CERS5: variants seen among roughly 807,000 people sequenced by gnomAD.
The protein encoded by CERS5 is LAG1 homolog, ceramide synthase 5.
CERS5 carries 37 observed loss-of-function variants against 58.9 expected under a neutral mutation model. The observed-to-expected ratio is 0.63, with a 90% CI of 0.48 to 0.83. CERS5 has a LOEUF of 0.83. CERS5 is among the 40% of genes least tolerant of loss of function. The pLI is 0.00. For synonymous variants in CERS5, 147 were observed against 177.8 expected (o/e 0.83, Z 1.38); for missense variants, 398 against 489.3 (o/e 0.81, Z 1.76).
intron 6 of CERS5, among the ~76,000 whole-genome samples, chr12:50,137,101 A>G (rs1951733449): frequency 6.6e-6 from 1 of 152,148 alleles, no homozygotes; most frequent in Non-Finnish European, 1.5e-5. Context: ...TTAGTGACAG[A>G]TTAGGGTTAG....
At chr12:50,143,250 C>T (rs1363916920) in intron 2 of CERS5, 46 bp from the exon 3 acceptor site, 6 of 1,605,368 alleles carry the variant, frequency 3.7e-6, no homozygotes, top group Non-Finnish European at 5.1e-6. Flanking sequence ...CCTCATACCC[C>T]TCCTTCAATC....
chr12:50,132,903 A>G, intron 9 of CERS5: 1 of 1,284,298 alleles, frequency 7.8e-7, no homozygotes, highest in Non-Finnish European at 1.0e-6. Flanking sequence ...GCAGGAGGAA[A>G]GAGAACCACA....
chr12:50,140,440 T>C (rs927641997), intron 4 of CERS5, among the ~76,000 whole-genome samples: 1 of 151,900 alleles, frequency 6.6e-6, no homozygotes, highest in Non-Finnish European at 1.5e-5. Context: ...CGTGCCACCA[T>C]GCCCGGCTAA....
intron 1 of CERS5, among the ~76,000 whole-genome samples, chr12:50,162,748 C>A (rs1481231220): frequency 6.6e-6 from 1 of 152,056 alleles, no homozygotes; most frequent in Non-Finnish European, 1.5e-5. Flanking sequence ...GGATTATAGG[C>A]ACATGCCATC....
chr12:50,167,356 G>T lies in CERS5; in HGVS notation c.-59C>A. On this transcript the variant is annotated 5_prime_UTR_variant, in exon 1 of 10. Transcript: ENST00000317551. The stretch of plus-strand genomic sequence containing the variant: ...GCGTCAGCTGCCGCCACAGCCAACG[G>T]AACCCGCGGGGAGGCGGCCCCAGGG... 6.9e-7 allele frequency: 1 copy of T among 1,447,424 alleles called. No homozygotes were observed. The highest frequency in any genetic ancestry group is 2.8e-5 in the Admixed American group (1 of 35,632). 89.7% of individuals were successfully genotyped at this position (1,447,424 alleles called of 1,614,324 possible).
chr12:50,150,150 A>C (rs901590930), intron 1 of CERS5, among the ~76,000 whole-genome samples: 1 of 152,232 alleles, frequency 6.6e-6, no homozygotes, highest in African/African-American at 2.4e-5. Flanking sequence ...TAAAAAGAAC[A>C]GGAGTTTAAG....
intron 1 of CERS5, among the ~76,000 whole-genome samples, chr12:50,156,571 G>A (rs1938681720): frequency 1.3e-5 from 2 of 151,338 alleles, no homozygotes; most frequent in Admixed American, 6.6e-5. Context: ...TTCCAGCGTG[G>A]CTGACAGAGT....
At chr12:50,138,806 G>C (rs1487456926) in intron 4 of CERS5, among the ~76,000 whole-genome samples, 189 bp from the exon 5 acceptor site, 1 of 152,130 alleles carries the variant, frequency 6.6e-6, no homozygotes, top group Admixed American at 6.5e-5. Flanking sequence ...GTTATAAATA[G>C]AAAAACAATG....
chr12:50,136,908 A>G (rs1347060538), intron 6 of CERS5, among the ~76,000 whole-genome samples: 2 of 152,318 alleles, frequency 1.3e-5, no homozygotes, highest in African/African-American at 4.8e-5. Flanking sequence ...AAACTTTCTT[A>G]TATGTATCAC....
At chr12:50,145,299 T>A in intron 1 of CERS5, among the ~76,000 whole-genome samples, 1 of 152,162 alleles carries the variant, frequency 6.6e-6, no homozygotes, top group East Asian at 1.9e-4. Context: ...GAACTATTCC[T>A]TGGTTCTTCA....
intron 6 of CERS5, among the ~76,000 whole-genome samples, chr12:50,137,237 C>G (rs986559382): frequency 2.0e-5 from 3 of 152,160 alleles, no homozygotes; most frequent in Non-Finnish European, 4.4e-5. Flanking sequence ...CAAGTCAGCT[C>G]ACTTCTCTCA....
intron 9 of CERS5, among the ~76,000 whole-genome samples, chr12:50,131,110 C>T (rs899997928): frequency 5.9e-5 from 9 of 152,168 alleles, no homozygotes; most frequent in Admixed American, 1.3e-4. Context: ...TGCATTTATT[C>T]GTATTGGTTA....
Position 50,130,486 on chromosome 12 carries a change from G to T in CERS5, c.*59C>A, listed in dbSNP as rs76409366. On this transcript the variant is annotated 3_prime_UTR_variant, in exon 10 of 10. Coordinates refer to ENST00000317551, the MANE Select transcript of CERS5 (RefSeq NM_147190.5). ...GAGTAGATATGGGAAGGGCCAAGAG[G>T]AGTATGTTGCCAGTGGCCCTACAAG... 2,561 of 1,444,834 alleles carry T rather than the reference G, an allele frequency of 1.8e-3. 29 individuals are homozygous for T. The African/African-American group carries it at 0.032, about 18-fold the overall frequency. 89.5% of individuals were successfully genotyped at this position (1,444,834 alleles called of 1,614,324 possible).
intron 9 of CERS5, 66 bp downstream of exon 9, chr12:50,134,480 G>A (rs768004766): frequency 6.2e-7 from 1 of 1,612,878 alleles, no homozygotes; most frequent in South Asian, 1.1e-5. Context: ...TTGATGGAGA[G>A]AGAACGTCTG....
chr12:50,158,060 C>CA (rs11388385), intron 1 of CERS5, among the ~76,000 whole-genome samples: 23,711 of 80,860 alleles, frequency 0.29, 3,189 homozygotes, highest in Non-Finnish European at 0.37. Context: ...AGACCATGAC[C>CA]AAAAAAAAAA....
chr12:50,153,353 C>T (rs774262479), intron 1 of CERS5, among the ~76,000 whole-genome samples: 99 of 128,892 alleles, frequency 7.7e-4, no homozygotes, highest in Non-Finnish European at 1.3e-3. Flanking sequence ...GATCTTGGCT[C>T]ACTGCAACCT....
chr12:50,165,861 C>T, intron 1 of CERS5: 1 of 423,370 alleles, frequency 2.4e-6, no homozygotes, highest in Non-Finnish European at 4.7e-6. Context: ...TTCTTGGAGT[C>T]TGAGTAGACT....
chr12:50,130,323 A>G lies in CERS5; in HGVS notation c.*222T>C. 2.4e-6 allele frequency: 1 copy of G among 410,150 alleles called. No homozygotes were observed. 25.4% of individuals were successfully genotyped at this position (410,150 alleles called of 1,614,324 possible). A position where few individuals can be genotyped will look rare whatever the true frequency, so the allele number is the denominator to read the frequency against. ...TATGCACAAACGCACATCAACAAAC[A>G]CACAAAAACACACAGAGCAAATAAC... On this transcript the variant is annotated 3_prime_UTR_variant, in exon 10 of 10. Coordinates refer to ENST00000317551, the MANE Select transcript of CERS5 (RefSeq NM_147190.5).
intron 4 of CERS5, 46 bp from the exon 5 acceptor site, chr12:50,138,663 T>C (rs1204879205): frequency 6.5e-7 from 1 of 1,532,516 alleles, no homozygotes; most frequent in Non-Finnish European, 9.0e-7. Context: ...GATTCTCACC[T>C]GGCTTCAAGA....
Sources: allele counts gnomAD v4.1 joint callset (sites outside exome capture counted in the v4.1 genomes callset), GRCh38; gene constraint gnomAD v4.1.1; transcripts MANE v1.5; gene names NCBI Gene and HGNC (gene_info 2026-07-23, HGNC 2026-07-21).